CCDC171: variants seen among roughly 807,000 people sequenced by gnomAD.
The protein encoded by CCDC171 is coiled-coil domain containing 171, also known as coiled-coil domain-containing protein 171.
Under a neutral mutation model 168.2 loss-of-function variants are expected in CCDC171, and 177 were observed. That is an observed-to-expected ratio of 1.05 (90% CI 0.93 to 1.19). The LOEUF (loss-of-function observed/expected upper bound fraction) is 1.19, where lower values mean the gene tolerates loss of function less well. CCDC171 is among the 50% of genes most tolerant of loss of function. CCDC171 has a pLI of 0.00. For synonymous variants in CCDC171, 687 were observed against 540.8 expected, an observed-to-expected ratio of 1.27 and a Z score of -3.75; for missense variants, 1,991 against 1,539.0, an observed-to-expected ratio of 1.29 and a Z score of -4.91.
chr9:15,625,908 G>A (rs10810410), intron 7 of CCDC171, among the ~76,000 whole-genome samples: 2 of 151,896 alleles, frequency 1.3e-5, no homozygotes, highest in Non-Finnish European at 2.9e-5. Flanking sequence ...TTACCTTGGG[G>A]AGTATGGCCA....
At chr9:16,045,337 C>T (rs1425925215) in intron 1 of CCDC171, among the ~76,000 whole-genome samples, 1 of 152,178 alleles carries the variant, frequency 6.6e-6, no homozygotes, top group African/African-American at 2.4e-5. Context: ...CTTAACACAG[C>T]CCAGGAGGCT....
chr9:16,041,686 A>G (rs2133056748), upstream of CCDC171, among the ~76,000 whole-genome samples: 1 of 152,350 alleles, frequency 6.6e-6, no homozygotes, highest in South Asian at 2.1e-4. Flanking sequence ...TGAAAATAAG[A>G]GGGCTTATCG....
At chr9:15,727,491 T>C (rs1010053452) in intron 14 of CCDC171, among the ~76,000 whole-genome samples, 6 of 152,232 alleles carry the variant, frequency 3.9e-5, no homozygotes, top group African/African-American at 1.4e-4. Flanking sequence ...ATAGAATTAC[T>C]GTACTGAGTT....
chr9:15,560,820 T>C (rs981854196), intron 1 of CCDC171, among the ~76,000 whole-genome samples: 1 of 150,256 alleles, frequency 6.7e-6, no homozygotes, highest in South Asian at 2.1e-4. Flanking sequence ...CTCTGATTTT[T>C]AGAATTTTCA....
chr9:15,870,999 GT>G (rs2062015945), intron 23 of CCDC171, among the ~76,000 whole-genome samples: 1 of 150,984 alleles, frequency 6.6e-6, no homozygotes, highest in African/African-American at 2.4e-5. Context: ...TTTTTAGAAA[GT>G]TTTATTTATT....
Position 15,899,807 on chromosome 9 carries a change from T to G in CCDC171, c.3601-20463T>G, listed in dbSNP as rs561460795. Among the ~76,000 whole-genome samples the G allele has an allele frequency of 2.0e-5, 3 of 152,286 alleles. No individual in the cohort carries two copies. In the South Asian group the frequency reaches 6.2e-4, roughly 32 times the overall value. ...AATATTTTTTCTCTGTCATTTACTC[T>G]TTGTGACAGAATTTTTTTTCATGGC... On this transcript the variant is annotated intron_variant, in intron 24 of 25. Coordinates refer to ENST00000380701, the MANE Select transcript of CCDC171 (RefSeq NM_173550.4).
chr9:16,086,024 G>A, the CCDC171 span, among the ~76,000 whole-genome samples: 1 of 113,384 alleles, frequency 8.8e-6, no homozygotes, highest in Admixed American at 8.4e-5. Context: ...GTTTGGAATA[G>A]TTTCACCAGC....
chr9:15,943,502 A>T (rs1450054483), intron 25 of CCDC171, among the ~76,000 whole-genome samples: 2 of 151,996 alleles, frequency 1.3e-5, no homozygotes, highest in Non-Finnish European at 2.9e-5. Context: ...TATATTTAGA[A>T]CCAGATGCAG....
intron 3 of CCDC171, among the ~76,000 whole-genome samples, chr9:15,982,935 T>C (rs1194694984): frequency 6.6e-6 from 1 of 152,114 alleles, no homozygotes; most frequent in Non-Finnish European, 1.5e-5. Flanking sequence ...GTCAAAATAA[T>C]GGGCATCTCC....
At chr9:15,568,259 C>G (rs2039910329) in intron 2 of CCDC171, among the ~76,000 whole-genome samples, 1 of 150,560 alleles carries the variant, frequency 6.6e-6, no homozygotes. Flanking sequence ...TCTACATCTC[C>G]AATACATCTT....
chr9:15,841,865 C>A (rs2060694915), intron 21 of CCDC171, among the ~76,000 whole-genome samples: 1 of 151,874 alleles, frequency 6.6e-6, no homozygotes, highest in African/African-American at 2.4e-5. Context: ...TCTGTGACAA[C>A]CTGTACAGTT....
chr9:15,926,651 A>G (rs1354762990), intron 25 of CCDC171, among the ~76,000 whole-genome samples: 1 of 151,616 alleles, frequency 6.6e-6, no homozygotes, highest in African/African-American at 2.4e-5. Context: ...CACTCTAATC[A>G]TCAGTTTTGA....
At chr9:15,954,083 G>A (rs1045253848) in intron 25 of CCDC171, among the ~76,000 whole-genome samples, 27 of 148,966 alleles carry the variant, frequency 1.8e-4, no homozygotes, top group African/African-American at 6.6e-4. Context: ...CTAGCTAAAA[G>A]TTTGTCAATT....
chr9:15,896,982 G>A (rs554938196), intron 24 of CCDC171, among the ~76,000 whole-genome samples: 2 of 152,116 alleles, frequency 1.3e-5, no homozygotes, highest in Non-Finnish European at 2.9e-5. Context: ...AATTTTCCGG[G>A]CAGTGCAAGA....
chr9:15,897,292 C>G (rs72708861), intron 24 of CCDC171, among the ~76,000 whole-genome samples: 2 of 151,262 alleles, frequency 1.3e-5, no homozygotes, highest in East Asian at 3.9e-4. Flanking sequence ...TCCTTTTTTC[C>G]AAGTCATCTA....
chr9:15,637,217 C>T (rs1417125313), intron 7 of CCDC171, among the ~76,000 whole-genome samples: 1 of 152,178 alleles, frequency 6.6e-6, no homozygotes, highest in South Asian at 2.1e-4. Flanking sequence ...GATTGTGCCA[C>T]TGCACTCCAG....
At chr9:15,913,654 A>T (rs1022914575) in intron 24 of CCDC171, among the ~76,000 whole-genome samples, 2 of 152,062 alleles carry the variant, frequency 1.3e-5, no homozygotes, top group African/African-American at 4.8e-5. Context: ...TCCATTTGTC[A>T]AATTCATTTT....
At chr9:15,786,054 A>G (rs1311787496) in intron 21 of CCDC171, among the ~76,000 whole-genome samples, 1 of 152,154 alleles carries the variant, frequency 6.6e-6, no homozygotes, top group East Asian at 1.9e-4. Context: ...CTTTACGAAG[A>G]GGAATAAACG....
At chr9:15,737,051 A>G (rs2054542914) in intron 16 of CCDC171, among the ~76,000 whole-genome samples, 2 of 152,160 alleles carry the variant, frequency 1.3e-5, no homozygotes, top group South Asian at 2.1e-4. Context: ...CACAAATGGT[A>G]GTTCTCTTAA....
Sources: gnomAD v4.1 joint callset for allele counts (sites outside exome capture counted in the v4.1 genomes callset) on GRCh38, gnomAD v4.1.1 for gene constraint, MANE v1.5 for transcripts, NCBI Gene and HGNC (gene_info 2026-07-23, HGNC 2026-07-21) for gene names.